Variants in TCF12 observed in about 807,000 individuals in gnomAD.
The protein encoded by TCF12 is transcription factor 12, also known as DNA-binding protein HTF4.
In TCF12, 45 loss-of-function variants were observed where a neutral mutation model predicts 86.0. The observed-to-expected ratio is 0.52, with a 90% CI of 0.41 to 0.67. The LOEUF (loss-of-function observed/expected upper bound fraction) is 0.67, where lower values mean the gene tolerates loss of function less well. TCF12 is among the 30% of genes least tolerant of loss of function. The probability of loss-of-function intolerance (pLI) is 0.00; values close to 1 mark genes in which losing one functional copy is unlikely to be tolerated. For missense variants in TCF12, 881 were observed against 859.9 expected (o/e 1.02, Z -0.31); for synonymous variants, 330 against 299.6 (o/e 1.10, Z -1.05).
chr15:57,034,152 G>C (rs1386196874), intron 3 of TCF12, among the ~76,000 whole-genome samples: 3 of 152,106 alleles, frequency 2.0e-5, no homozygotes, highest in Admixed American at 6.6e-5. Context: ...AGGTGTGCTT[G>C]GATAACCTAA....
intron 4 of TCF12, among the ~76,000 whole-genome samples, chr15:57,091,006 AAT>A (rs2048959625): frequency 6.6e-6 from 1 of 152,224 alleles, no homozygotes; most frequent in Non-Finnish European, 1.5e-5. Flanking sequence ...GCTTTAAAAA[AAT>A]ATGTTTTAAA....
intron 6 of TCF12, among the ~76,000 whole-genome samples, chr15:57,185,919 T>C (rs2056640887): frequency 6.6e-6 from 1 of 151,932 alleles, no homozygotes; most frequent in Admixed American, 6.6e-5. Flanking sequence ...ATCAACAGAA[T>C]TGACAAACCT....
chr15:56,920,085 G>T, intron 2 of TCF12, 97 bp downstream of exon 2: 1 of 1,351,968 alleles, frequency 7.4e-7, no homozygotes. Flanking sequence ...GAAGCAACGT[G>T]GAGACTAGGC....
chr15:56,985,518 AT>A (rs2063138979), intron 3 of TCF12, among the ~76,000 whole-genome samples: 1 of 152,182 alleles, frequency 6.6e-6, no homozygotes, highest in African/African-American at 2.4e-5. Context: ...ATGGTAGCAA[AT>A]TGGCATTATC....
chr15:57,043,320 T>C (rs2067016351), intron 3 of TCF12, among the ~76,000 whole-genome samples: 1 of 152,186 alleles, frequency 6.6e-6, no homozygotes, highest in South Asian at 2.1e-4. Flanking sequence ...GATTGCTGGA[T>C]CATTATGGTA....
chr15:57,175,612 A>G (rs1386495016), intron 6 of TCF12, among the ~76,000 whole-genome samples: 2 of 152,214 alleles, frequency 1.3e-5, no homozygotes, highest in African/African-American at 4.8e-5. Context: ...GTAACAACAA[A>G]CCTAATAGTA....
chr15:56,928,180 T>C (rs1484772713), intron 3 of TCF12, among the ~76,000 whole-genome samples: 1 of 152,224 alleles, frequency 6.6e-6, no homozygotes, highest in Admixed American at 6.5e-5. Context: ...ATCAGAGCTA[T>C]ACTTTTTTCA....
At chr15:57,242,530 G>C (rs1210548999) in intron 12 of TCF12, among the ~76,000 whole-genome samples, 1 of 152,120 alleles carries the variant, frequency 6.6e-6, no homozygotes, top group African/African-American at 2.4e-5. Context: ...AGCTCGGCAT[G>C]GTGGCATGCA....
At chr15:57,231,109 A>T in intron 8 of TCF12, 43 bp from the exon 9 acceptor site, 1 of 1,440,766 alleles carries the variant, frequency 6.9e-7, no homozygotes, top group Non-Finnish European at 9.8e-7. Context: ...AAGTAATATG[A>T]TAGTCATTTA....
chr15:56,920,066 G>A (rs1567103171), intron 2 of TCF12, 78 bp downstream of exon 2: 3 of 1,549,868 alleles, frequency 1.9e-6, no homozygotes, highest in East Asian at 4.5e-5. Context: ...TTTAAATAAA[G>A]GGTGAGGGGA....
At chr15:56,949,732 C>G (rs1288791157) in intron 3 of TCF12, among the ~76,000 whole-genome samples, 1 of 152,116 alleles carries the variant, frequency 6.6e-6, no homozygotes, top group East Asian at 1.9e-4. Context: ...TCTGGAAGAG[C>G]TAATTTGTTT....
intron 8 of TCF12, among the ~76,000 whole-genome samples, chr15:57,220,944 A>C (rs2058562009): frequency 6.6e-6 from 1 of 152,246 alleles, no homozygotes; most frequent in East Asian, 1.9e-4. Flanking sequence ...GTTATAGAGA[A>C]TATTCAATTA....
intron 20 of TCF12, among the ~76,000 whole-genome samples, chr15:57,284,239 C>CTG (rs1241132158): frequency 2.6e-5 from 4 of 152,066 alleles, no homozygotes; most frequent in African/African-American, 9.7e-5. Flanking sequence ...GAGTTTGACT[C>CTG]TGTCGCCTGA....
At chr15:57,132,665 T>C (rs2052221034) in intron 5 of TCF12, among the ~76,000 whole-genome samples, 1 of 152,212 alleles carries the variant, frequency 6.6e-6, no homozygotes, top group Non-Finnish European at 1.5e-5. Flanking sequence ...GTTTGCTGGT[T>C]TGCTTTTTTT....
In TCF12 at chr15:57,078,383, C is replaced by T. The variant is rs542869045; in HGVS notation, c.223-13406C>T. Among the ~76,000 whole-genome samples the T allele has an allele frequency of 1.2e-4, 19 of 152,190 alleles. No homozygotes were observed. In the East Asian group the frequency reaches 2.1e-3, roughly 17 times the overall value. On this transcript the variant is annotated intron_variant, in intron 4 of 20. Coordinates refer to ENST00000333725, the MANE Select transcript of TCF12 (RefSeq NM_207037.2). Reference sequence around the variant, plus strand: ...GGGAGTCCAATGGTACTAATCAAACCTTGGAAGCTATAATGTGGTACATGC... The same window carrying T: ...GGGAGTCCAATGGTACTAATCAAACTTTGGAAGCTATAATGTGGTACATGC...
chr15:57,254,453 G>A lies in TCF12; in HGVS notation c.1467+985G>A, dbSNP rs550987237. Among the ~76,000 whole-genome samples, 3 of 152,094 alleles carry A rather than the reference G, an allele frequency of 2.0e-5. No homozygotes were observed. The South Asian group carries it at 6.2e-4, about 32-fold the overall frequency. On this transcript the variant is annotated intron_variant, in intron 16 of 20. Transcript: ENST00000333725. ...GCAGCATGGGTAACATTAGATACCT[G>A]TTTTGTGTTTGTTTTTTTAATGTCA...
chr15:57,127,205 A>G (rs1404004912), intron 5 of TCF12, among the ~76,000 whole-genome samples: 1 of 151,448 alleles, frequency 6.6e-6, no homozygotes, highest in Non-Finnish European at 1.5e-5. Context: ...CTGGTCTCGA[A>G]CTCCTGACCT....
rs28817920 is a variant in TCF12 at position 57,186,474 on chromosome 15, G to A, written c.391-5684G>A. On this transcript the variant is annotated intron_variant, in intron 6 of 20. Transcript: ENST00000333725. Reference sequence around the variant, plus strand: ...TCATTGAGCCACTGCACTTCAGCCTGGGCAACAGAGTGAGACCGTCTCGAA... The same window carrying A: ...TCATTGAGCCACTGCACTTCAGCCTAGGCAACAGAGTGAGACCGTCTCGAA... Among the ~76,000 whole-genome samples the A allele has an allele frequency of 4.5e-3, 692 of 152,222 alleles. 4 individuals are homozygous for A. Among genetic ancestry groups the A allele is most frequent in the African/African-American group, 0.016 (654 of 41,526 alleles).
At position 57,050,853 on chromosome 15, in the gene TCF12, T is replaced by A. The variant is rs1018502099; in HGVS notation, c.149-12897T>A. Among the ~76,000 whole-genome samples the A allele has an allele frequency of 3.9e-5, 6 of 152,346 alleles. No homozygotes were observed. In the South Asian group the frequency reaches 6.2e-4, roughly 16 times the overall value. Reference sequence around the variant, plus strand: ...TATTGTGCTTGTCAGTGCTAGAATTTTCTTTTTTTAAATGGTTTTCTGTCT... The same window carrying A: ...TATTGTGCTTGTCAGTGCTAGAATTATCTTTTTTTAAATGGTTTTCTGTCT... On this transcript the variant is annotated intron_variant, in intron 3 of 20. Transcript: ENST00000333725.
Sources: allele counts gnomAD v4.1 joint callset (sites outside exome capture counted in the v4.1 genomes callset), GRCh38; gene constraint gnomAD v4.1.1; transcripts MANE v1.5; gene names NCBI Gene and HGNC (gene_info 2026-07-23, HGNC 2026-07-21).